MSANTD7: variants seen among roughly 807,000 people sequenced by gnomAD.
MSANTD7 encodes the protein Myb/SANT DNA binding domain containing 7, also known as zinc finger and SCAN domain containing 29.
the MSANTD7 span, chr10:14,842,651 C>G: frequency 2.0e-6 from 3 of 1,536,194 alleles, no homozygotes; most frequent in Non-Finnish European, 2.6e-6. This position sits in a 1 kb window ranked among gnomAD's most constrained non-coding sequence, Gnocchi z 5.2. Flanking sequence ...GCACTGTGAT[C>G]AGAACTTAGT....
the MSANTD7 span, chr10:14,844,186 G>T: frequency 8.3e-7 from 1 of 1,209,966 alleles, no homozygotes; most frequent in Non-Finnish European, 1.0e-6. Context: ...TCCCTCCAGT[G>T]GTTTCCTCAT....
the MSANTD7 span, chr10:14,843,995 AC>A: frequency 6.8e-7 from 1 of 1,472,150 alleles, no homozygotes; most frequent in Non-Finnish European, 8.9e-7. Flanking sequence ...TCAGAAAAAA[AC>A]ATGGATGAAC....
the MSANTD7 span, chr10:14,841,124 G>A: frequency 6.6e-6 from 1 of 152,108 alleles, no homozygotes; most frequent in Non-Finnish European, 1.5e-5. Flanking sequence ...TCTCTTACCT[G>A]TGTTCAATTA....
At chr10:14,839,529 A>C in the MSANTD7 span, among the ~76,000 whole-genome samples, 8 of 151,534 alleles carry the variant, frequency 5.3e-5, no homozygotes, top group Non-Finnish European at 1.2e-4. Flanking sequence ...CTGGCACTGC[A>C]GTCTGCACTC....
chr10:14,840,006 G>A, the MSANTD7 span: 1 of 1,570,796 alleles, frequency 6.4e-7, no homozygotes, highest in South Asian at 1.1e-5. Flanking sequence ...CCCCATTTTT[G>A]TACTTCTGAA....
At chr10:14,844,109 A>G in the MSANTD7 span, 4 of 1,379,774 alleles carry the variant, frequency 2.9e-6, no homozygotes, top group Admixed American at 1.2e-4. Flanking sequence ...CCTAATAGAA[A>G]ACGATGGAGC....
chr10:14,844,551 A>G, the MSANTD7 span: 1 of 986,416 alleles, frequency 1.0e-6, no homozygotes, highest in Non-Finnish European at 1.2e-6. Flanking sequence ...TGTATCTGAC[A>G]TATCTACTAG....
the MSANTD7 span, among the ~76,000 whole-genome samples, chr10:14,838,835 G>C: frequency 2.0e-5 from 3 of 152,152 alleles, no homozygotes; most frequent in Admixed American, 2.0e-4. Flanking sequence ...GAGCATTTTG[G>C]GGGAGGTCAC....
At chr10:14,842,475 C>A in the MSANTD7 span, 1 of 1,536,146 alleles carries the variant, frequency 6.5e-7, no homozygotes, top group Non-Finnish European at 8.7e-7. This position sits in a 1 kb window ranked among gnomAD's most constrained non-coding sequence, Gnocchi z 5.2. Context: ...CAGTGCCGCT[C>A]CAAGTTTAAA....
the MSANTD7 span, chr10:14,845,947 T>C: frequency 2.7e-5 from 23 of 850,704 alleles, no homozygotes; most frequent in Non-Finnish European, 3.3e-5. Flanking sequence ...TCTAAAAAAA[T>C]TTGAAATAGC....
the MSANTD7 span, chr10:14,842,300 A>G: frequency 5.9e-6 from 9 of 1,535,772 alleles, no homozygotes; most frequent in Non-Finnish European, 7.0e-6. This position sits in a 1 kb window ranked among gnomAD's most constrained non-coding sequence, Gnocchi z 5.2. Flanking sequence ...CAGTGCCAAT[A>G]GCAGTGCGGG....
the MSANTD7 span, among the ~76,000 whole-genome samples, chr10:14,838,799 G>A: frequency 1.3e-5 from 2 of 152,054 alleles, no homozygotes; most frequent in African/African-American, 4.8e-5. Flanking sequence ...GGGTGTCCCG[G>A]GGGGTCCCGG....
At chr10:14,845,503 G>A in the MSANTD7 span, 1 of 985,380 alleles carries the variant, frequency 1.0e-6, no homozygotes, top group Non-Finnish European at 1.2e-6. Flanking sequence ...GGCTGGTGTG[G>A]TAGAATATGT....
the MSANTD7 span, chr10:14,845,006 G>A: frequency 1.0e-6 from 1 of 985,440 alleles, no homozygotes; most frequent in Non-Finnish European, 1.2e-6. Context: ...TGGTGGAAGA[G>A]AACAGCTTTG....
At chr10:14,840,158 G>C in the MSANTD7 span, 1 of 1,371,752 alleles carries the variant, frequency 7.3e-7, no homozygotes, top group Non-Finnish European at 9.8e-7. Flanking sequence ...TGGGCAGAAG[G>C]TATGGAATCA....
chr10:14,845,430 C>T, the MSANTD7 span: 2 of 985,210 alleles, frequency 2.0e-6, no homozygotes, highest in South Asian at 9.4e-5. Context: ...TGGGAGCGTA[C>T]CCAGAACCAT....
chr10:14,840,332 T>A, the MSANTD7 span, among the ~76,000 whole-genome samples: 1 of 152,216 alleles, frequency 6.6e-6, no homozygotes, highest in African/African-American at 2.4e-5. Context: ...TAGTGTTGGA[T>A]CTTCTCTGAT....
the MSANTD7 span, chr10:14,842,543 C>T: frequency 6.5e-7 from 1 of 1,536,010 alleles, no homozygotes; most frequent in Non-Finnish European, 8.7e-7. The surrounding 1 kb of genome is among the most constrained non-coding windows in gnomAD (Gnocchi z 5.2). Context: ...TATGGGTGAG[C>T]CACCACACTG....
At chr10:14,838,341 G>C in the MSANTD7 span, 1 of 1,510,708 alleles carries the variant, frequency 6.6e-7, no homozygotes. Flanking sequence ...GCCGTTGGGC[G>C]GCCGGTAGCT....
Sources: gnomAD v4.1 joint callset for allele counts (sites outside exome capture counted in the v4.1 genomes callset) on GRCh38, gnomAD v4.1.1 for gene constraint, Gnocchi (gnomAD v3.1) non-coding constraint, MANE v1.5 for transcripts, NCBI Gene and HGNC (gene_info 2026-07-23, HGNC 2026-07-21) for gene names.